Variants in DLC1 observed in about 807,000 individuals in gnomAD.
DLC1 encodes the protein DLC1 Rho GTPase activating protein.
A neutral mutation model predicts 140.3 loss-of-function variants in DLC1; 54 were observed. The ratio of observed to expected loss-of-function variants is 0.38; its 90% confidence interval spans 0.31 to 0.48. DLC1 has a LOEUF of 0.48. Ranked by LOEUF, DLC1 falls within the 20% of genes least tolerant of loss-of-function variation. The pLI, the probability that DLC1 is intolerant of heterozygous loss-of-function variation, is 0.96. For synonymous variants in DLC1, 986 were observed against 728.1 expected, an observed-to-expected ratio of 1.35 and a Z score of -5.70; for missense variants, 2,536 against 1,907.0, an observed-to-expected ratio of 1.33 and a Z score of -6.14.
chr8:13,431,419 C>T (rs1371286169), intron 2 of DLC1, among the ~76,000 whole-genome samples: 5 of 126,586 alleles, frequency 3.9e-5, no homozygotes, highest in African/African-American at 1.2e-4. Flanking sequence ...GGAGGCGGAG[C>T]TTGCAGTGAG....
chr8:13,375,734 TA>T (rs1445285986), intron 4 of DLC1, among the ~76,000 whole-genome samples: 6 of 89,604 alleles, frequency 6.7e-5, no homozygotes, highest in African/African-American at 2.2e-4. Context: ...ATTTTATTTT[TA>T]TTTTTTTGCT....
Position 13,206,807 on chromosome 8 carries a change from G to A in DLC1, c.1349-91150C>T, listed in dbSNP as rs1010659937. Among the ~76,000 whole-genome samples, 4 of 152,002 alleles carry A rather than the reference G, an allele frequency of 2.6e-5. No homozygotes were observed. In the East Asian group the frequency reaches 7.7e-4, roughly 29 times the overall value. ...CAAACACCATTTGTTACCATACAGA[G>A]GTTTGCTGGTTATCTCAGAGCAAAG... is the stretch of plus-strand genomic sequence containing the variant. On this transcript the variant is annotated intron_variant, in intron 5 of 17. Coordinates refer to ENST00000276297, the MANE Select transcript of DLC1 (RefSeq NM_182643.3).
At chr8:13,358,967 C>T (rs949079715) in intron 4 of DLC1, among the ~76,000 whole-genome samples, 4 of 143,942 alleles carry the variant, frequency 2.8e-5, no homozygotes, top group Admixed American at 1.4e-4. Context: ...GAGGTGGAGT[C>T]TTGCTCTGTC....
chr8:13,540,276 C>T (rs1328374634), intron 1 of DLC1, among the ~76,000 whole-genome samples: 1 of 152,116 alleles, frequency 6.6e-6, no homozygotes, highest in Non-Finnish European at 1.5e-5. Flanking sequence ...TTTCCATGGT[C>T]TCAGTTAAGC....
intron 1 of DLC1, chr8:13,566,943 A>C: frequency 6.8e-7 from 1 of 1,478,604 alleles, no homozygotes; most frequent in Non-Finnish European, 9.0e-7. Flanking sequence ...TTCCTGAGCC[A>C]GTCTTAACCT....
chr8:13,555,798 G>A lies in DLC1; in HGVS notation c.-126+48739C>T, dbSNP rs183841972. ...ATTACAGGCATGAGACACCGGGCCT[G>A]GCCTTGTAGCATTTTTTTTTTTAAA... On this transcript the variant is annotated intron_variant, in intron 1 of 1. Coordinates refer to the DLC1 transcript ENST00000631382. Among the ~76,000 whole-genome samples, 412 of 151,924 alleles carry A rather than the reference G, an allele frequency of 2.7e-3. 2 individuals carry two copies. The highest frequency in any genetic ancestry group is 4.2e-3 in the Non-Finnish European group (287 of 67,988).
intron 2 of DLC1, among the ~76,000 whole-genome samples, chr8:13,418,754 G>A (rs1325349715): frequency 1.3e-5 from 2 of 152,104 alleles, no homozygotes; most frequent in Admixed American, 1.3e-4. Context: ...TGTGAAGAAA[G>A]TCATTGGTAG....
intron 2 of DLC1, among the ~76,000 whole-genome samples, chr8:13,434,210 C>G (rs118042050): frequency 6.6e-6 from 1 of 152,136 alleles, no homozygotes; most frequent in Non-Finnish European, 1.5e-5. Context: ...GAACAAACTC[C>G]TATTTAATGC....
At chr8:13,260,431 A>C (rs1158760925) in intron 5 of DLC1, among the ~76,000 whole-genome samples, 3 of 152,232 alleles carry the variant, frequency 2.0e-5, no homozygotes, top group Non-Finnish European at 2.9e-5. Flanking sequence ...CACATGAGGC[A>C]TGAAGGAGAG....
At chr8:13,556,935 G>C (rs1804066922) in intron 1 of DLC1, among the ~76,000 whole-genome samples, 1 of 152,154 alleles carries the variant, frequency 6.6e-6, no homozygotes, top group Non-Finnish European at 1.5e-5. Flanking sequence ...TTCCAGCCCT[G>C]GTGGGGCTGA....
chr8:13,374,555 C>T lies in DLC1; in HGVS notation c.1314+18998G>A, dbSNP rs377379203. ...ATCCCAGCACTGTGGGAGGCCGAGG[C>T]GGGTGGATCATGAGGTCAGGAGTTT... On this transcript the variant is annotated intron_variant, in intron 4 of 17. Transcript: ENST00000276297. 7.9e-5 allele frequency among the ~76,000 whole-genome samples: 12 copies of T among 152,172 alleles called. No homozygotes were observed. The South Asian group carries it at 8.3e-4, about 11-fold the overall frequency.
At chr8:13,087,666 A>C (rs1817679591) in intron 16 of DLC1, among the ~76,000 whole-genome samples, 1 of 152,166 alleles carries the variant, frequency 6.6e-6, no homozygotes, top group Non-Finnish European at 1.5e-5. Context: ...GTAGCTTAAA[A>C]CCATTTTTCT....
intron 4 of DLC1, 53 bp downstream of exon 4, chr8:13,393,500 G>C: frequency 6.4e-7 from 1 of 1,555,366 alleles, no homozygotes. Flanking sequence ...ACTCTTACCT[G>C]ATGATCATCA....
At chr8:13,193,008 C>T (rs1319745909) in intron 5 of DLC1, among the ~76,000 whole-genome samples, 2 of 152,182 alleles carry the variant, frequency 1.3e-5, no homozygotes, top group Non-Finnish European at 1.5e-5. Context: ...GAATCTTCCT[C>T]TGCCTAAGGA....
intron 5 of DLC1, among the ~76,000 whole-genome samples, chr8:13,204,502 AAAT>A (rs919913546): frequency 2.2e-4 from 33 of 152,330 alleles, no homozygotes; most frequent in African/African-American, 7.5e-4. Flanking sequence ...TTTTATCTAA[AAAT>A]AATAATAATT....
chr8:13,132,990 C>T (rs779506008), intron 5 of DLC1: 13 of 1,609,702 alleles, frequency 8.1e-6, no homozygotes, highest in Non-Finnish European at 2.5e-6. Context: ...TCAAGCACGG[C>T]AGGCGGCGGC....
At chr8:13,095,637 T>C (rs1397846673) in intron 10 of DLC1, 4 of 189,842 alleles carry the variant, frequency 2.1e-5, no homozygotes, top group African/African-American at 9.2e-5. Flanking sequence ...TGGATTTCCT[T>C]ACAGAATGGC....
intron 2 of DLC1, among the ~76,000 whole-genome samples, chr8:13,401,852 A>T (rs1585045818): frequency 6.6e-6 from 1 of 152,202 alleles, no homozygotes; most frequent in South Asian, 2.1e-4. Context: ...GCAAAGTGCA[A>T]TGAAAAAAGA....
At chr8:13,500,597 A>C (rs966493293) in intron 1 of DLC1, among the ~76,000 whole-genome samples, 1 of 152,228 alleles carries the variant, frequency 6.6e-6, no homozygotes, top group Non-Finnish European at 1.5e-5. Flanking sequence ...AAATAAATCT[A>C]TTCACTGTTT....
Sources: allele counts gnomAD v4.1 joint callset (sites outside exome capture counted in the v4.1 genomes callset), GRCh38; gene constraint gnomAD v4.1.1; transcripts MANE v1.5; gene names NCBI Gene and HGNC (gene_info 2026-07-23, HGNC 2026-07-21).